Variants in IGF2BP3 observed in about 807,000 individuals in gnomAD.
IGF2BP3 encodes the protein insulin-like growth factor 2 mRNA-binding protein 3.
In IGF2BP3, 9 loss-of-function variants were observed where a neutral mutation model predicts 73.8. That is an observed-to-expected ratio of 0.12 (90% CI 0.07 to 0.21). The LOEUF (loss-of-function observed/expected upper bound fraction) is 0.21. IGF2BP3 is among the 10% of genes least tolerant of loss of function. IGF2BP3 has a pLI of 1.00. For missense variants in IGF2BP3, 542 were observed against 714.0 expected (o/e 0.76, Z 2.75); for synonymous variants, 258 against 256.7 (o/e 1.01, Z -0.05).
In IGF2BP3 at chr7:23,319,243, C is replaced by T. The variant is rs768566146; in HGVS notation, c.1215G>A (p.Thr405=). Residue 405 remains threonine, a synonymous_variant, in exon 11 of 15, where the codon ACG becomes ACA. Transcript: ENST00000258729. ...PPYPQFEQSE[T]ETVHLFIPAL... ...CTGGGATAAACAGATGAACAGTCTC[C>T]GTTTCTGATTGCTGTTAGAAAAGAA... 6.2e-6 allele frequency: 10 copies of T among 1,604,650 alleles called. No homozygotes were observed. The highest frequency in any genetic ancestry group is 2.2e-5 in the East Asian group (1 of 44,590).
At chr7:23,404,969 C>T (rs777557827) in intron 3 of IGF2BP3, 1 of 152,066 alleles carries the variant, frequency 6.6e-6, no homozygotes, top group Non-Finnish European at 1.5e-5. Context: ...AAAAGAGCAA[C>T]AAGTGAAGGT....
chr7:23,353,487 AG>A (rs1275144732), intron 5 of IGF2BP3, among the ~76,000 whole-genome samples: 2 of 152,238 alleles, frequency 1.3e-5, no homozygotes, highest in African/African-American at 4.8e-5. Flanking sequence ...TCATGCAGAA[AG>A]TAGCAAGAGG....
chr7:23,437,078 G>A (rs1787823646), intron 2 of IGF2BP3, among the ~76,000 whole-genome samples: 2 of 151,884 alleles, frequency 1.3e-5, no homozygotes, highest in Middle Eastern at 3.4e-3. Context: ...GAGATCGTGC[G>A]ACTGCACTCC....
rs550136658 is a variant in IGF2BP3, at chr7:23,429,882, T to A, written c.237-11058A>T. Among the ~76,000 whole-genome samples, 46 of 152,310 alleles carry A rather than the reference T, an allele frequency of 3.0e-4. No homozygotes were observed. The South Asian group carries it at 9.3e-3, about 31-fold the overall frequency. ...CCTGCAACCTTTCATCCAAATTACC[T>A]GTAAGTCCTGGATGCACCTTTAACT... On this transcript the variant is annotated intron_variant, in intron 2 of 14. Coordinates refer to ENST00000258729, the MANE Select transcript of IGF2BP3 (RefSeq NM_006547.3).
chr7:23,417,138 GAAAGA>G (rs1398798762), intron 3 of IGF2BP3, among the ~76,000 whole-genome samples: 1 of 152,082 alleles, frequency 6.6e-6, no homozygotes, highest in Non-Finnish European at 1.5e-5. Context: ...AGCCTTTAAG[GAAAGA>G]AACACCTAAC....
At chr7:23,443,924 G>A (rs887844346) in intron 2 of IGF2BP3, among the ~76,000 whole-genome samples, 21 of 152,090 alleles carry the variant, frequency 1.4e-4, no homozygotes, top group South Asian at 1.2e-3. Flanking sequence ...CAGGAGAATC[G>A]CTTGAACCCA....
intron 2 of IGF2BP3, among the ~76,000 whole-genome samples, chr7:23,449,007 G>C (rs1222846896): frequency 2.0e-5 from 3 of 152,060 alleles, no homozygotes; most frequent in South Asian, 2.1e-4. Context: ...GATTACAAGC[G>C]TGAGACATCA....
chr7:23,324,388 G>A (rs557252349), intron 10 of IGF2BP3, among the ~76,000 whole-genome samples: 1 of 151,538 alleles, frequency 6.6e-6, no homozygotes, highest in South Asian at 2.1e-4. Context: ...TTGAATCTCT[G>A]AATAGACCAA....
chr7:23,320,412 G>A (rs1003531525), intron 10 of IGF2BP3, among the ~76,000 whole-genome samples: 1 of 151,812 alleles, frequency 6.6e-6, no homozygotes, highest in African/African-American at 2.4e-5. Flanking sequence ...CACAGTGACT[G>A]GGCTCCTAAA....
chr7:23,466,365 T>C (rs1448022145), intron 2 of IGF2BP3, among the ~76,000 whole-genome samples: 1 of 152,230 alleles, frequency 6.6e-6, no homozygotes, highest in Non-Finnish European at 1.5e-5. Flanking sequence ...GCAAGGAACA[T>C]GATTGTTCTA....
At chr7:23,429,037 T>A (rs925375942) in intron 2 of IGF2BP3, among the ~76,000 whole-genome samples, 1 of 152,182 alleles carries the variant, frequency 6.6e-6, no homozygotes, top group African/African-American at 2.4e-5. Context: ...CTTGCCCCCA[T>A]CTATAATCAG....
chr7:23,395,912 C>A (rs1234250857), intron 3 of IGF2BP3, among the ~76,000 whole-genome samples: 1 of 151,770 alleles, frequency 6.6e-6, no homozygotes, highest in Non-Finnish European at 1.5e-5. Flanking sequence ...GGCAACAGAG[C>A]GAGACTCCAT....
intron 3 of IGF2BP3, among the ~76,000 whole-genome samples, chr7:23,364,837 T>A (rs754358510): frequency 6.6e-6 from 1 of 151,734 alleles, no homozygotes; most frequent in Non-Finnish European, 1.5e-5. Context: ...GTTCAGGGAC[T>A]AGGAGGTAGT....
At chr7:23,376,612 T>C (rs1785730467) in intron 3 of IGF2BP3, among the ~76,000 whole-genome samples, 1 of 149,790 alleles carries the variant, frequency 6.7e-6, no homozygotes, top group Admixed American at 6.6e-5. Context: ...ACACCTATAA[T>C]CCCAACACTT....
At chr7:23,336,886 T>G (rs1282999686) in intron 10 of IGF2BP3, among the ~76,000 whole-genome samples, 1 of 151,838 alleles carries the variant, frequency 6.6e-6, no homozygotes, top group East Asian at 1.9e-4. Flanking sequence ...ATGCGGAGTT[T>G]GCAGTGAACC....
intron 3 of IGF2BP3, among the ~76,000 whole-genome samples, chr7:23,372,640 C>A (rs1409950101): frequency 6.6e-6 from 1 of 152,058 alleles, no homozygotes; most frequent in East Asian, 1.9e-4. Flanking sequence ...ATTTTAAAAG[C>A]CGAGCAGAAC....
intron 12 of IGF2BP3, 140 bp from the exon 13 acceptor site, chr7:23,313,793 A>G (rs544312122): frequency 1.7e-5 from 14 of 801,430 alleles, no homozygotes; most frequent in East Asian, 8.1e-5. Context: ...TGAAAATAAC[A>G]TAGAAGAGAG....
intron 3 of IGF2BP3, among the ~76,000 whole-genome samples, chr7:23,393,486 T>C (rs1163043639): frequency 1.3e-5 from 2 of 152,132 alleles, no homozygotes; most frequent in Non-Finnish European, 2.9e-5. Flanking sequence ...TAGCAAGTAC[T>C]ATGCTCAATT....
rs542610505 is a variant in IGF2BP3, at chr7:23,433,172, C to A, written c.237-14348G>T. Among the ~76,000 whole-genome samples, 3 of 152,258 alleles carry A rather than the reference C, an allele frequency of 2.0e-5. No homozygotes were observed. The South Asian group carries it at 6.2e-4, about 32-fold the overall frequency. On this transcript the variant is annotated intron_variant, in intron 2 of 14. Transcript: ENST00000258729. The stretch of plus-strand genomic sequence containing the variant: ...AAACCTCTAACATGCTTGAGTAGCA[C>A]TGAAAATTAATTATTCCCATACTTT...
Sources: allele counts gnomAD v4.1 joint callset (sites outside exome capture counted in the v4.1 genomes callset), GRCh38; gene constraint gnomAD v4.1.1; transcripts MANE v1.5; gene names NCBI Gene and HGNC (gene_info 2026-07-23, HGNC 2026-07-21).